C19orf38: variants seen among roughly 807,000 people sequenced by gnomAD.
C19orf38 encodes protein HIDE1.
Under a neutral mutation model 26.6 loss-of-function variants are expected in C19orf38, and 14 were observed. The ratio of observed to expected loss-of-function variants is 0.53; its 90% CI spans 0.35 to 0.82. The LOEUF is 0.82. Among genes scored for constraint, C19orf38 ranks in the 40% least tolerant of loss-of-function variants. The pLI, the probability that C19orf38 is intolerant of heterozygous loss-of-function variation, is 0.01. For missense variants in C19orf38, 261 were observed against 299.5 expected (o/e 0.87, Z 0.95); for synonymous variants, 132 against 128.5 (o/e 1.03, Z -0.18).
At chr19:10,859,330 A>ATGTG (rs35222384) in intron 4 of C19orf38, among the ~76,000 whole-genome samples, 24 of 64,812 alleles carry the variant, frequency 3.7e-4, no homozygotes, top group African/African-American at 4.8e-4. Flanking sequence ...GTGTGTATGT[A>ATGTG]TGTGTGTGTG....
intron 6 of C19orf38, among the ~76,000 whole-genome samples, chr19:10,863,694 GGT>G (rs138756021): frequency 0.42 from 63,813 of 151,750 alleles, 13,437 homozygotes; most frequent in East Asian, 0.57. Flanking sequence ...GGCCGAGGCG[GGT>G]GTGGGTCAGG....
chr19:10,868,417 G>T (rs908203731), intron 6 of C19orf38, among the ~76,000 whole-genome samples: 3 of 152,234 alleles, frequency 2.0e-5, no homozygotes, highest in Non-Finnish European at 4.4e-5. Context: ...TAGGATCAGG[G>T]TCAGGAGCCT....
intron 1 of C19orf38, among the ~76,000 whole-genome samples, chr19:10,839,199 C>T (rs2073461135): frequency 6.6e-6 from 1 of 152,196 alleles, no homozygotes; most frequent in African/African-American, 2.4e-5. Flanking sequence ...GCCACCTTGA[C>T]CAGCCCCATG....
intron 6 of C19orf38, among the ~76,000 whole-genome samples, chr19:10,863,804 T>C (rs577215759): frequency 2.7e-4 from 41 of 152,158 alleles, no homozygotes; most frequent in Middle Eastern, 6.8e-3. Context: ...TCTCAGCTAC[T>C]TGGGAGGCTG....
At chr19:10,839,865 C>G (rs1200268284) in intron 1 of C19orf38, among the ~76,000 whole-genome samples, 1 of 151,822 alleles carries the variant, frequency 6.6e-6, no homozygotes, top group Non-Finnish European at 1.5e-5. Context: ...GCTGGGACTA[C>G]AGGTGCACGC....
chr19:10,858,444 G>C lies in C19orf38; in HGVS notation c.461+101G>C. ...ATGCCCCCCACAAACAGCGCCTCCT[G>C]GTGGGCATGCTGCGTAATAGGAACA... On this transcript the variant is annotated intron_variant, in intron 4 of 6. Transcript: ENST00000397820. 4 of 1,163,050 alleles carry C rather than the reference G, an allele frequency of 3.4e-6. No individual in the cohort carries two copies. The Admixed American group carries it at 7.7e-5, about 22-fold the overall frequency. The allele number at this position is 1,163,050 out of a possible 1,614,324, so 72.0% of individuals were successfully genotyped here. A position where few individuals can be genotyped will look rare whatever the true frequency, so the allele number is the denominator to read the frequency against.
intron 1 of C19orf38, chr19:10,842,210 T>C (rs1389482596): frequency 5.7e-6 from 8 of 1,407,376 alleles, no homozygotes; most frequent in Non-Finnish European, 7.1e-6. Flanking sequence ...ATGAAAACTT[T>C]CAGTGATGAC....
At chr19:10,867,641 CTTTTTTTTTTTTTTT>C (rs953156656) in intron 6 of C19orf38, among the ~76,000 whole-genome samples, 2 of 58,840 alleles carry the variant, frequency 3.4e-5, no homozygotes, top group East Asian at 7.3e-4. Flanking sequence ...GAAGAACATT[CTTTTTTTTTTTTTTT>C]TTTTTTTTTT....
chr19:10,858,424 C>A, intron 4 of C19orf38, 81 bp downstream of exon 4: 5 of 1,329,120 alleles, frequency 3.8e-6, no homozygotes, highest in Non-Finnish European at 5.2e-6. Flanking sequence ...ACTCCATGCC[C>A]CCCACAAACA....
chr19:10,869,379 G>T lies in C19orf38; in HGVS notation c.*12G>T. On this transcript the variant is annotated 3_prime_UTR_variant, in exon 7 of 7. Coordinates refer to ENST00000397820, the MANE Select transcript of C19orf38 (RefSeq NM_001136482.3). ...GGGCCTGCCAGTGAGGCTGAGGACT[G>T]GGGGACCCCTCTGTCTCCAGGCATT... is the stretch of plus-strand genomic sequence containing the variant. 6.5e-7 allele frequency: 1 copy of T among 1,543,444 alleles called. No homozygotes were observed. The highest frequency in any genetic ancestry group is 8.7e-7 in the Non-Finnish European group (1 of 1,143,590).
chr19:10,841,662 C>T (rs542356104), intron 1 of C19orf38, among the ~76,000 whole-genome samples: 1 of 151,956 alleles, frequency 6.6e-6, no homozygotes, highest in South Asian at 2.1e-4. Flanking sequence ...TACTGAGCCT[C>T]TGACAGTGAA....
At chr19:10,856,007 C>G (rs541089073) in intron 2 of C19orf38, among the ~76,000 whole-genome samples, 4 of 152,280 alleles carry the variant, frequency 2.6e-5, no homozygotes, top group East Asian at 1.9e-4. Context: ...GAGTAAACCT[C>G]TTTTCCCAGT....
intron 1 of C19orf38, among the ~76,000 whole-genome samples, chr19:10,843,218 G>C (rs1040281242): frequency 6.6e-5 from 10 of 152,208 alleles, no homozygotes; most frequent in African/African-American, 2.4e-4. Context: ...ATGCAAACTA[G>C]GTGGAGGGTG....
At chr19:10,849,231 G>C (rs1317796962) in intron 1 of C19orf38, among the ~76,000 whole-genome samples, 1 of 151,864 alleles carries the variant, frequency 6.6e-6, no homozygotes, top group Non-Finnish European at 1.5e-5. Flanking sequence ...GTGTTCTCCA[G>C]GCTAGTCTCA....
At chr19:10,853,682 C>T (rs1171804862) in intron 2 of C19orf38, among the ~76,000 whole-genome samples, 2 of 147,790 alleles carry the variant, frequency 1.4e-5, no homozygotes, top group Non-Finnish European at 3.0e-5. Flanking sequence ...CTCTGCCTCC[C>T]GGGTTCAAGC....
chr19:10,859,380 ATATATT>A (rs1322635309), intron 4 of C19orf38, among the ~76,000 whole-genome samples: 3,525 of 32,478 alleles, frequency 0.11, 37 homozygotes, highest in East Asian at 0.25. Context: ...ATATATATAT[ATATATT>A]TTTTTTTTTT....
chr19:10,841,046 G>GGT (rs1479493832), intron 1 of C19orf38, among the ~76,000 whole-genome samples: 1 of 151,624 alleles, frequency 6.6e-6, no homozygotes, highest in African/African-American at 2.4e-5. Context: ...GCTTCTCGGT[G>GGT]GTGTGTATAT....
chr19:10,852,168 T>C (rs917283158), intron 2 of C19orf38, among the ~76,000 whole-genome samples: 2 of 151,716 alleles, frequency 1.3e-5, no homozygotes, highest in African/African-American at 2.4e-5. Flanking sequence ...AAAAAAGATA[T>C]TGACCAGGCT....
At chr19:10,850,175 G>A in intron 1 of C19orf38, 84 bp from the exon 2 acceptor site, 2 of 1,295,434 alleles carry the variant, frequency 1.5e-6, no homozygotes, top group Non-Finnish European at 2.1e-6. Flanking sequence ...GCTGAGGGAG[G>A]GTGGTCTACT....
Sources: gnomAD v4.1 joint callset for allele counts (sites outside exome capture counted in the v4.1 genomes callset) on GRCh38, gnomAD v4.1.1 for gene constraint, MANE v1.5 for transcripts, NCBI Gene and HGNC (gene_info 2026-07-23, HGNC 2026-07-21) for gene names.